Variants in PDE11A observed in about 807,000 individuals in gnomAD.
PDE11A encodes phosphodiesterase 11A.
A neutral mutation model predicts 100.5 loss-of-function variants in PDE11A; 100 were observed. The observed-to-expected ratio is 1.00, with a 90% CI of 0.85 to 1.18. PDE11A has a LOEUF of 1.18. Among genes scored for constraint, PDE11A ranks in the 50% most tolerant of loss-of-function variants. The pLI, the probability that PDE11A is intolerant of heterozygous loss-of-function variation, is 0.00. For synonymous variants in PDE11A, 381 were observed against 420.8 expected, an observed-to-expected ratio of 0.91 and a Z score of 1.16; for missense variants, 1,141 against 1,152.6, an observed-to-expected ratio of 0.99 and a Z score of 0.15.
In PDE11A at chr2:178,082,703, T is replaced by C. The variant is rs74755198; in HGVS notation, c.162+21599A>G. Reference sequence around the variant, plus strand: ...GCCCACGTACAAAAAAACAGAAGCATTAGCATGATCCAAGGGTGATGTTTT... The same window carrying C: ...GCCCACGTACAAAAAAACAGAAGCACTAGCATGATCCAAGGGTGATGTTTT... On this transcript the variant is annotated intron_variant, in intron 2 of 20. Coordinates refer to the PDE11A transcript ENST00000358450. Among the ~76,000 whole-genome samples the C allele has an allele frequency of 9.4e-3, 1,427 of 152,272 alleles. 21 individuals are homozygous for C. The highest frequency in any genetic ancestry group is 0.033 in the African/African-American group (1,363 of 41,548).
intron 4 of PDE11A, among the ~76,000 whole-genome samples, chr2:177,877,924 GCC>G (rs1030605497): frequency 6.6e-6 from 1 of 152,120 alleles, no homozygotes; most frequent in African/African-American, 2.4e-5. Flanking sequence ...TGCTTCAAAG[GCC>G]TTTTAAATTA....
chr2:177,630,951 G>T (rs1235364653), intron 19 of PDE11A, among the ~76,000 whole-genome samples: 6 of 152,080 alleles, frequency 3.9e-5, no homozygotes, highest in Admixed American at 3.3e-4. Context: ...TTGGGGGGTT[G>T]TTTTAAAAAT....
At chr2:177,836,729 C>T (rs1033529083) in intron 6 of PDE11A, among the ~76,000 whole-genome samples, 2 of 152,200 alleles carry the variant, frequency 1.3e-5, no homozygotes, top group African/African-American at 4.8e-5. Context: ...CTCCTGAGGC[C>T]AGTGAGACCA....
At chr2:177,932,630 A>G (rs899701338) in intron 2 of PDE11A, among the ~76,000 whole-genome samples, 1 of 152,152 alleles carries the variant, frequency 6.6e-6, no homozygotes. Context: ...CATGATAAAA[A>G]CCCTCAAGAA....
At chr2:177,964,756 T>C (rs1463286852) in intron 2 of PDE11A, among the ~76,000 whole-genome samples, 1 of 152,070 alleles carries the variant, frequency 6.6e-6, no homozygotes, top group African/African-American at 2.4e-5. Context: ...CCATGGTGTA[T>C]ATCCATGTCC....
intron 2 of PDE11A, among the ~76,000 whole-genome samples, chr2:178,005,875 T>C (rs1394892188): frequency 1.3e-5 from 2 of 152,178 alleles, no homozygotes; most frequent in Admixed American, 1.3e-4. Context: ...CTGCAGAGTA[T>C]GTGGAAAGAA....
At chr2:177,645,132 A>G (rs1235844986) in intron 19 of PDE11A, among the ~76,000 whole-genome samples, 53 of 152,256 alleles carry the variant, frequency 3.5e-4, no homozygotes, top group Admixed American at 3.5e-3. Flanking sequence ...AAACTTGACT[A>G]CGGCAGCCAT....
At chr2:178,077,425 C>T (rs1022512884), upstream of PDE11A, among the ~76,000 whole-genome samples, 3 of 152,060 alleles carry the variant, frequency 2.0e-5, no homozygotes, top group African/African-American at 7.2e-5. Context: ...ACTCTCACTC[C>T]CACCCACATG....
rs73972657 is a variant in PDE11A at position 178,005,619 on chromosome 2, A to G, written c.1071+8683T>C. Among the ~76,000 whole-genome samples, 783 of 152,348 alleles carry G rather than the reference A, an allele frequency of 5.1e-3. 6 individuals carry two copies. Among genetic ancestry groups the G allele is most frequent in the African/African-American group, 0.018 (752 of 41,582 alleles). On this transcript the variant is annotated intron_variant, in intron 2 of 19. Transcript: ENST00000286063. ...TTTTGTCTGCCTAATTCATCAGTTT[A>G]ACTTCAGCATTTGGAACCGTGTCTC...
chr2:178,057,014 G>A (rs2086908092), intron 1 of PDE11A, among the ~76,000 whole-genome samples: 2 of 152,086 alleles, frequency 1.3e-5, no homozygotes, highest in African/African-American at 4.8e-5. Context: ...ACAAATAAAT[G>A]GAAAGAGGAG....
intron 1 of PDE11A, among the ~76,000 whole-genome samples, chr2:178,046,456 A>G (rs1036191289): frequency 1.3e-5 from 2 of 152,208 alleles, no homozygotes; most frequent in African/African-American, 4.8e-5. Context: ...TTGAGAAAGT[A>G]GTTGATCTCT....
chr2:177,774,861 T>A (rs1434789250), intron 9 of PDE11A, among the ~76,000 whole-genome samples: 2 of 152,196 alleles, frequency 1.3e-5, no homozygotes, highest in African/African-American at 4.8e-5. Context: ...GTATATGATA[T>A]GTCACAAGGA....
At chr2:177,967,626 C>A (rs182761166) in intron 2 of PDE11A, among the ~76,000 whole-genome samples, 1 of 152,034 alleles carries the variant, frequency 6.6e-6, no homozygotes, top group East Asian at 1.9e-4. Context: ...CTAGTATAGA[C>A]TGACAGTAGT....
At chr2:178,037,656 T>TG (rs1310151540) in intron 1 of PDE11A, among the ~76,000 whole-genome samples, 4 of 151,908 alleles carry the variant, frequency 2.6e-5, no homozygotes, top group Non-Finnish European at 5.9e-5. Context: ...ATAAAGAAAA[T>TG]GTGGCACATA....
At chr2:177,778,210 T>G (rs2082404974) in intron 9 of PDE11A, among the ~76,000 whole-genome samples, 1 of 152,230 alleles carries the variant, frequency 6.6e-6, no homozygotes, top group Admixed American at 6.5e-5. Context: ...GATCAAGCCT[T>G]GCCATTCTCT....
intron 2 of PDE11A, among the ~76,000 whole-genome samples, chr2:178,090,275 C>G (rs1478895532): frequency 6.6e-6 from 1 of 152,164 alleles, no homozygotes; most frequent in African/African-American, 2.4e-5. Context: ...ATAATAACAC[C>G]TATCACAATA....
rs202225715 is a variant in PDE11A, at chr2:177,686,697, A to ATTTTTTT, written c.2346-5801_2346-5795dup. The ATTTTTTT allele has an allele frequency of 1.1e-3, 132 of 124,034 alleles. 4 individuals carry two copies. Among genetic ancestry groups the ATTTTTTT allele is most frequent in the African/African-American group, 4.0e-3 (126 of 31,128 alleles). 7.7% of individuals were successfully genotyped at this position (124,034 alleles called of 1,614,324 possible). On this transcript the variant is annotated intron_variant, in intron 15 of 19. Coordinates refer to ENST00000286063, the MANE Select transcript of PDE11A (RefSeq NM_016953.4). ...AAAGTTTAAACCAAAGTACATGTAA[A>ATTTTTTT]TTTTTTTTTTTTTTTTTTTTTTTTT...
Position 177,755,638 on chromosome 2 carries a change from G to A in PDE11A, c.1788+13685C>T, listed in dbSNP as rs114731812. Among the ~76,000 whole-genome samples, 327 of 152,280 alleles carry A rather than the reference G, an allele frequency of 2.1e-3. 1 individual carries two copies. Among genetic ancestry groups the A allele is most frequent in the African/African-American group, 7.5e-3 (312 of 41,544 alleles). ...ACACACTCCTCATCACAGTTGACTG[G>A]TCCAGGGATGGACAGGGGAACCAAG... On this transcript the variant is annotated intron_variant, in intron 10 of 19. Coordinates refer to ENST00000286063, the MANE Select transcript of PDE11A (RefSeq NM_016953.4).
chr2:177,928,982 C>T (rs2695112), intron 2 of PDE11A, among the ~76,000 whole-genome samples: 53,372 of 152,048 alleles, frequency 0.35, 11,126 homozygotes, highest in East Asian at 0.53. Context: ...GTAAACTGTG[C>T]TCTTTTAGGT....
Sources: gnomAD v4.1 joint callset for allele counts (sites outside exome capture counted in the v4.1 genomes callset) on GRCh38, gnomAD v4.1.1 for gene constraint, MANE v1.5 for transcripts, NCBI Gene and HGNC (gene_info 2026-07-23, HGNC 2026-07-21) for gene names.